Variants in PEX7 observed in about 807,000 individuals in gnomAD.
PEX7 encodes the protein peroxisomal biogenesis factor 7.
A neutral mutation model predicts 47.5 loss-of-function variants in PEX7; 34 were observed. The ratio of observed to expected loss-of-function variants is 0.72; its 90% CI spans 0.54 to 0.95. The LOEUF is 0.95. Among genes scored for constraint, PEX7 ranks in the 40% least tolerant of loss-of-function variants. The probability of loss-of-function intolerance (pLI) is 0.00; values close to 1 mark genes in which losing one functional copy is unlikely to be tolerated. For missense variants in PEX7, 394 were observed against 400.3 expected (o/e 0.98, Z 0.13); for synonymous variants, 141 against 148.8 (o/e 0.95, Z 0.38).
chr6:136,871,931 A>C (rs527942944), intron 7 of PEX7, among the ~76,000 whole-genome samples: 180 of 152,276 alleles, frequency 1.2e-3, no homozygotes, highest in African/African-American at 3.4e-3. Context: ...CATTTTGGGA[A>C]TATTTTATTC....
intron 5 of PEX7, among the ~76,000 whole-genome samples, chr6:136,858,006 G>C (rs946853720): frequency 5.9e-5 from 9 of 152,102 alleles, no homozygotes; most frequent in African/African-American, 1.7e-4. Context: ...GGTAGAGACA[G>C]GGTTTCACCA....
At chr6:136,867,792 C>G in intron 6 of PEX7, among the ~76,000 whole-genome samples, 1 of 150,870 alleles carries the variant, frequency 6.6e-6, no homozygotes, top group Non-Finnish European at 1.5e-5. Flanking sequence ...ACAACAACAA[C>G]AACAACAAAA....
chr6:136,824,840 T>C (rs1317533379), intron 1 of PEX7, among the ~76,000 whole-genome samples: 1 of 152,206 alleles, frequency 6.6e-6, no homozygotes, highest in Non-Finnish European at 1.5e-5. Flanking sequence ...TTCTCATCTG[T>C]CAGTAGGAAT....
intron 8 of PEX7, among the ~76,000 whole-genome samples, chr6:136,892,100 A>G (rs764186895): frequency 8.5e-5 from 13 of 152,258 alleles, no homozygotes; most frequent in Non-Finnish European, 1.6e-4. Flanking sequence ...TAGAGGATGC[A>G]ATAAGTGCAT....
chr6:136,850,677 G>A (rs553037978), intron 5 of PEX7, among the ~76,000 whole-genome samples: 1 of 152,290 alleles, frequency 6.6e-6, no homozygotes, highest in South Asian at 2.1e-4. Context: ...GAAAGAGAAG[G>A]TCTTGAGTTT....
intron 1 of PEX7, chr6:136,823,007 T>C: frequency 1.0e-6 from 1 of 985,466 alleles, no homozygotes. Flanking sequence ...CTTCCAGTTG[T>C]GTGCAAGTGC....
intron 8 of PEX7, among the ~76,000 whole-genome samples, chr6:136,895,491 G>A (rs931223871): frequency 1.3e-5 from 2 of 152,274 alleles, no homozygotes; most frequent in Non-Finnish European, 2.9e-5. Context: ...TCTCTGTTTA[G>A]TAAATCCTCT....
intron 5 of PEX7, chr6:136,855,856 T>C: frequency 4.2e-6 from 1 of 238,884 alleles, no homozygotes; most frequent in Non-Finnish European, 8.2e-6. Context: ...ATCATTGTTC[T>C]CTTTATGCGT....
At chr6:136,840,122 A>G (rs1267962540) in intron 3 of PEX7, among the ~76,000 whole-genome samples, 2 of 152,224 alleles carry the variant, frequency 1.3e-5, no homozygotes, top group African/African-American at 2.4e-5. Context: ...CCATTGTGCC[A>G]AGATCAGTGG....
At chr6:136,874,320 C>T (rs9483961) in intron 8 of PEX7, among the ~76,000 whole-genome samples, 79,828 of 151,922 alleles carry the variant, frequency 0.53, 21,153 homozygotes, top group African/African-American at 0.58. Context: ...GTATCTCTAA[C>T]GGGATCAAGT....
intron 9 of PEX7, among the ~76,000 whole-genome samples, chr6:136,904,533 T>C (rs1488489755): frequency 6.6e-6 from 1 of 151,956 alleles, no homozygotes; most frequent in African/African-American, 2.4e-5. Flanking sequence ...TGGGAGGTGA[T>C]TGAATTATGG....
rs113036986 is a variant in PEX7, at chr6:136,866,530, G to T, written c.527-97G>T. The T allele has an allele frequency of 1.2e-3, 1,117 of 953,440 alleles. 10 individuals are homozygous for T. In the African/African-American group the frequency reaches 0.017, roughly 14 times the overall value. 59.1% of individuals were successfully genotyped at this position (953,440 alleles called of 1,614,324 possible). On this transcript the variant is annotated intron_variant, in intron 5 of 9. Transcript: ENST00000318471. ...AGGTGGCAATATCCTAACACTGAAA[G>T]CAGTGTATTTTTACTTGACTTATTA...
chr6:136,867,555 G>T (rs1342356768), intron 6 of PEX7, among the ~76,000 whole-genome samples: 1 of 151,720 alleles, frequency 6.6e-6, no homozygotes, highest in Non-Finnish European at 1.5e-5. Flanking sequence ...TATAAAGAAA[G>T]AAAATATTTT....
chr6:136,882,314 A>G (rs7745614), intron 8 of PEX7, among the ~76,000 whole-genome samples: 4 of 150,890 alleles, frequency 2.7e-5, no homozygotes, highest in African/African-American at 9.8e-5. Context: ...ACTATCTGGG[A>G]CTACAGGCAC....
rs570449891 is a variant in PEX7 at position 136,834,020 on chromosome 6, C to A, written c.339+7551C>A. On this transcript the variant is annotated intron_variant, in intron 3 of 9. Transcript: ENST00000318471. ...CACGTAAATTAAAAAACAACAACAA[C>A]AAAAAAAACAACCATTCCGTACAAC... Among the ~76,000 whole-genome samples, 24 of 151,720 alleles carry A rather than the reference C, an allele frequency of 1.6e-4. No individual in the cohort carries two copies. The South Asian group carries it at 1.7e-3, about 11-fold the overall frequency.
chr6:136,876,552 G>A lies in PEX7; in HGVS notation c.803+4299G>A, dbSNP rs576452963. Among the ~76,000 whole-genome samples the A allele has an allele frequency of 3.9e-3, 591 of 152,052 alleles. 2 individuals are homozygous for A. Among genetic ancestry groups the A allele is most frequent in the Non-Finnish European group, 6.3e-3 (425 of 68,000 alleles). On this transcript the variant is annotated intron_variant, in intron 8 of 9. Transcript: ENST00000318471. ...CACCTCCCTGTGTCCATGTGATCTC[G>A]TTGTTCAACTCCCACTTATGAGTGA...
At chr6:136,865,959 T>G (rs1775064352) in intron 5 of PEX7, among the ~76,000 whole-genome samples, 1 of 152,020 alleles carries the variant, frequency 6.6e-6, no homozygotes, top group Non-Finnish European at 1.5e-5. Flanking sequence ...GGTGTGCACC[T>G]GTAGTCCTGG....
At chr6:136,824,114 C>G (rs911022345) in intron 1 of PEX7, among the ~76,000 whole-genome samples, 1 of 152,210 alleles carries the variant, frequency 6.6e-6, no homozygotes, top group African/African-American at 2.4e-5. Context: ...ATTATTAGCT[C>G]TTAGTGCTTG....
rs1554335937 is a variant in PEX7, at chr6:136,898,207, GTGGT to G, written c.871_874del (p.Gly291Ter). 2.5e-6 allele frequency: 4 copies of G among 1,611,830 alleles called. No homozygotes were observed. The highest frequency in any genetic ancestry group is 3.4e-6 in the Non-Finnish European group (4 of 1,177,986). ...GTGGAGCATCATACAGAGTTTACTTGTGGTTTAGACTTCAGTCTTCAGAGCCCCA... is the reference window on the plus strand; with the variant it reads ...GTGGAGCATCATACAGAGTTTACTTGTTAGACTTCAGTCTTCAGAGCCCCA... On this transcript the variant is annotated frameshift_variant, in exon 9 of 10. Coordinates refer to ENST00000318471, the MANE Select transcript of PEX7 (RefSeq NM_000288.4). LOFTEE classifies it high-confidence loss of function.
Sources: gnomAD v4.1 joint callset for allele counts (sites outside exome capture counted in the v4.1 genomes callset) on GRCh38, gnomAD v4.1.1 for gene constraint, MANE v1.5 for transcripts, NCBI Gene and HGNC (gene_info 2026-07-23, HGNC 2026-07-21) for gene names.